The following TDRKH variants were observed in gnomAD, a reference collection of about 807,000 sequenced individuals.
The protein encoded by TDRKH is tudor and KH domain-containing protein.
TDRKH carries 28 observed loss-of-function variants against 61.3 expected under a neutral mutation model. The ratio of observed to expected loss-of-function variants is 0.46; its 90% confidence interval spans 0.34 to 0.63. TDRKH has a LOEUF of 0.63. Among genes scored for constraint, TDRKH ranks in the 20% least tolerant of loss-of-function variants. The pLI, the probability that TDRKH is intolerant of heterozygous loss-of-function variation, is 0.01. For synonymous variants in TDRKH, 219 were observed against 244.4 expected (o/e 0.90, Z 0.97); for missense variants, 540 against 683.4 (o/e 0.79, Z 2.34).
downstream of TDRKH, chr1:151,771,273 G>T: frequency 6.3e-7 from 1 of 1,592,940 alleles, no homozygotes. Flanking sequence ...ATGGAATCAG[G>T]GGCCCGGGAT....
At chr1:151,781,621 GATAACACCCAAAGCTAGT>G in intron 2 of TDRKH, 34 bp from the exon 3 acceptor site, 1 of 1,596,644 alleles carries the variant, frequency 6.3e-7, no homozygotes, top group South Asian at 1.1e-5. Flanking sequence ...ATCAGACTTA[GATAACACCCAAAGCTAGT>G]ATAACTACCA....
At chr1:151,784,638 T>A (rs1282828227) in intron 1 of TDRKH, among the ~76,000 whole-genome samples, 1 of 152,202 alleles carries the variant, frequency 6.6e-6, no homozygotes, top group African/African-American at 2.4e-5. Context: ...AGTCTCCCAG[T>A]TGCTGGTTTC....
downstream of TDRKH, chr1:151,771,235 C>T (rs760890606): frequency 2.7e-5 from 43 of 1,609,322 alleles, no homozygotes; most frequent in South Asian, 8.9e-5. Context: ...CTTATTCCAA[C>T]GCTTTGAGGG....
intron 4 of TDRKH, chr1:151,779,668 A>G: frequency 2.6e-6 from 1 of 390,666 alleles, no homozygotes; most frequent in Non-Finnish European, 4.6e-6. Flanking sequence ...AGATAACATG[A>G]GCATCCCAAG....
intron 1 of TDRKH, 39 bp from the exon 2 acceptor site, chr1:151,783,088 C>T: frequency 6.4e-7 from 1 of 1,573,306 alleles, no homozygotes; most frequent in African/African-American, 1.4e-5. Context: ...GAGGTTTCAT[C>T]CAATCCTTTT....
chr1:151,769,673 G>A (rs1209946847), downstream of TDRKH, among the ~76,000 whole-genome samples: 1 of 152,126 alleles, frequency 6.6e-6, no homozygotes, highest in African/African-American at 2.4e-5. Context: ...CAGACGGGGT[G>A]GTGGCCGGGC....
In TDRKH at chr1:151,781,582, G is replaced by A. The variant is rs762688283; in HGVS notation, c.130C>T (p.Arg44Trp). Reference sequence around the variant, plus strand: ...TCATCTTCCCCAACAAATGTCAGCCGCTCTTCTGCACAGATCATTGTTCAT... The same window carrying A: ...TCATCTTCCCCAACAAATGTCAGCCACTCTTCTGCACAGATCATTGTTCAT... ...YRRYRESREE[R>W]LTFVGEDDIE... Residue 44 changes from arginine to tryptophan, a missense_variant, in exon 3 of 13, where the codon CGG becomes TGG. Coordinates refer to ENST00000368824, the MANE Select transcript of TDRKH (RefSeq NM_001083965.2). The A allele has an allele frequency of 5.6e-6, 9 of 1,612,698 alleles. No homozygotes were observed. The highest frequency in any genetic ancestry group is 2.2e-5 in the East Asian group (1 of 44,862).
intron 1 of TDRKH, among the ~76,000 whole-genome samples, chr1:151,784,233 G>A (rs139517304): frequency 3.3e-4 from 51 of 152,302 alleles, no homozygotes; most frequent in Middle Eastern, 6.8e-3. Context: ...TTTCATAAAA[G>A]CACTGCTCCA....
Position 151,775,523 on chromosome 1 carries a change from C to A in TDRKH, c.1303G>T (p.Ala435Ser). 1 of 1,613,568 alleles carries A rather than the reference C, an allele frequency of 6.2e-7. No homozygotes were observed. Among genetic ancestry groups the A allele is most frequent in the East Asian group, 2.2e-5 (1 of 44,882 alleles). Residue 435 changes from alanine (A) to serine (S), a missense_variant, in exon 10 of 13, where the codon GCT becomes TCT. Ala to Ser is a moderately conservative substitution (Grantham distance 99). This residue lies in a region of TDRKH where 379 missense variants were observed against 443.8 expected (regional missense o/e 0.85). Transcript: ENST00000368824. ...APSGDQWEEE[A>S]LDEFDRLTHC... ...GTGAGTCTATCAAACTCATCCAAAGCTTCCTCTTCCCACTGGTCACCTGGC... is the reference window on the plus strand; with the variant it reads ...GTGAGTCTATCAAACTCATCCAAAGATTCCTCTTCCCACTGGTCACCTGGC...
chr1:151,771,086 T>C (rs1269212277), downstream of TDRKH: 2 of 1,595,204 alleles, frequency 1.3e-6, no homozygotes, highest in Non-Finnish European at 1.7e-6. Context: ...GGTGCCCTGC[T>C]GCGGGCCTTC....
chr1:151,789,942 G>C (rs926854251), intron 1 of TDRKH, among the ~76,000 whole-genome samples: 1 of 152,118 alleles, frequency 6.6e-6, no homozygotes, highest in Non-Finnish European at 1.5e-5. Context: ...CCTGGATTAA[G>C]GAATGAGGGA....
intron 10 of TDRKH, 81 bp from the exon 11 acceptor site, chr1:151,775,247 A>G: frequency 6.4e-7 from 1 of 1,559,566 alleles, no homozygotes; most frequent in Non-Finnish European, 8.8e-7. Context: ...AAGGACTGAT[A>G]CTTTAAAGAC....
At chr1:151,777,700 C>A (rs1005472309) in intron 6 of TDRKH, among the ~76,000 whole-genome samples, 1 of 145,834 alleles carries the variant, frequency 6.9e-6, no homozygotes, top group Non-Finnish European at 1.5e-5. Flanking sequence ...GCCAGTATTT[C>A]TTTTTAAAAA....
At chr1:151,784,700 C>A (rs771135054) in intron 1 of TDRKH, among the ~76,000 whole-genome samples, 1 of 152,088 alleles carries the variant, frequency 6.6e-6, no homozygotes, top group Non-Finnish European at 1.5e-5. Context: ...ATCTGTCCTT[C>A]GCCCTCTTCT....
chr1:151,768,532 G>C (rs1029226202), downstream of TDRKH, among the ~76,000 whole-genome samples: 1 of 152,148 alleles, frequency 6.6e-6, no homozygotes, highest in African/African-American at 2.4e-5. Flanking sequence ...GCAATCTCTT[G>C]GCTTCCAAGA....
In TDRKH at chr1:151,774,415, A is replaced by G. The variant is rs755857173; in HGVS notation, c.*37T>C. ...AGATAGATGATAGCTGCACTCACAC[A>G]GCAAAGCAGATGGCTGAGCAAACTG... On this transcript the variant is annotated 3_prime_UTR_variant, in exon 13 of 13. Coordinates refer to ENST00000368824, the MANE Select transcript of TDRKH (RefSeq NM_001083965.2). 8.1e-6 allele frequency: 13 copies of G among 1,611,456 alleles called. No homozygotes were observed. In the Admixed American group the frequency reaches 1.3e-4, roughly 17 times the overall value.
At chr1:151,771,869 G>C (rs1333611155), downstream of TDRKH, 1 of 398,450 alleles carries the variant, frequency 2.5e-6, no homozygotes, top group Non-Finnish European at 4.4e-6. Context: ...TCCAGGGTAG[G>C]AAGTCTTATG....
In TDRKH at chr1:151,778,805, G is replaced by A; in HGVS notation, c.763C>T (p.Pro255Ser). The change falls in exon 6 of 13, where the codon CCC becomes TCC. Residue 255 changes from proline to serine, a missense_variant. Physicochemically the swap from Pro to Ser is moderately conservative, Grantham distance 74 (BLOSUM62 -1). This residue lies in a region of TDRKH where 379 missense variants were observed against 443.8 expected (regional missense o/e 0.85). Coordinates refer to ENST00000368824, the MANE Select transcript of TDRKH (RefSeq NM_001083965.2). ...ACAGCCATGTCGCCTCCTCCTTTGGGTGGAGGAGTCACCAGGGGTGCAGTC... is the reference window on the plus strand; with the variant it reads ...ACAGCCATGTCGCCTCCTCCTTTGGATGGAGGAGTCACCAGGGGTGCAGTC... ...EPTAPLVTPP[P>S]KGGGDMAVVV... 5.0e-6 allele frequency: 8 copies of A among 1,614,154 alleles called. No individual in the cohort carries two copies. Among genetic ancestry groups the A allele is most frequent in the Non-Finnish European group, 6.8e-6 (8 of 1,180,024 alleles).
intron 1 of TDRKH, chr1:151,783,524 C>A (rs1266505117): frequency 6.6e-6 from 1 of 152,372 alleles, no homozygotes; most frequent in African/African-American, 2.4e-5. Context: ...TTTATTTACT[C>A]CTTAACGAAC....
Sources: allele counts gnomAD v4.1 joint callset (sites outside exome capture counted in the v4.1 genomes callset), GRCh38; gene constraint gnomAD v4.1.1; regional missense constraint gnomAD v4.1.1; transcripts MANE v1.5; gene names NCBI Gene and HGNC (gene_info 2026-07-23, HGNC 2026-07-21).